Variants in MYL3 observed in about 807,000 individuals in gnomAD.
MYL3 encodes the protein myosin light chain 3, also known as CMLC1.
In MYL3, 11 loss-of-function variants were observed where a neutral mutation model predicts 21.3. The observed-to-expected ratio is 0.52, with a 90% CI of 0.32 to 0.85. The LOEUF is 0.85. Among genes scored for constraint, MYL3 ranks in the 40% least tolerant of loss-of-function variants. The pLI is 0.03. For missense variants in MYL3, 206 were observed against 253.3 expected (o/e 0.81, Z 1.27); for synonymous variants, 88 against 91.6 (o/e 0.96, Z 0.22).
upstream of MYL3, among the ~76,000 whole-genome samples, chr3:46,863,700 C>G (rs564497028): frequency 1.8e-4 from 28 of 152,286 alleles, no homozygotes; most frequent in Non-Finnish European, 3.8e-4. Flanking sequence ...CACATACACA[C>G]ATACACACAC....
intron 1 of MYL3, among the ~76,000 whole-genome samples, chr3:46,877,325 T>C (rs2030281627): frequency 6.6e-6 from 1 of 152,176 alleles, no homozygotes; most frequent in African/African-American, 2.4e-5. Context: ...CTGATTTCTC[T>C]GGGTGCCTTA....
intron 1 of MYL3, chr3:46,877,946 G>C (rs2106934462): frequency 6.6e-6 from 1 of 152,386 alleles, no homozygotes; most frequent in East Asian, 1.9e-4. Context: ...CCGTGCTATG[G>C]GGCAGACAAG....
Position 46,861,102 on chromosome 3 carries a change from G to C in MYL3, c.130-115C>G, listed in dbSNP as rs1701988317. ...AACTGTCTCAGCCTGTCCCATTCCAGCATCCCAGCCTGCACCCCCAGGACC... is the reference window on the plus strand; with the variant it reads ...AACTGTCTCAGCCTGTCCCATTCCACCATCCCAGCCTGCACCCCCAGGACC... On this transcript the variant is annotated intron_variant, in intron 1 of 6. Coordinates refer to ENST00000292327, the MANE Select transcript of MYL3 (RefSeq NM_000258.3). This position sits in a 1 kb window ranked among gnomAD's most constrained non-coding sequence, Gnocchi z 4.2. 3 of 1,271,116 alleles carry C rather than the reference G, an allele frequency of 2.4e-6. No individual in the cohort carries two copies. Among genetic ancestry groups the C allele is most frequent in the Admixed American group, 1.8e-5 (1 of 54,812 alleles). 78.7% of individuals were successfully genotyped at this position (1,271,116 alleles called of 1,614,324 possible).
intron 1 of MYL3, among the ~76,000 whole-genome samples, chr3:46,872,047 T>G (rs1410547438): frequency 6.6e-6 from 1 of 152,180 alleles, no homozygotes; most frequent in East Asian, 1.9e-4. Context: ...TGTTCACACC[T>G]GCACAGTGGG....
At position 46,859,759 on chromosome 3, in the gene MYL3, T is replaced by C. The variant is rs1196402861; in HGVS notation, c.308-111A>G. ...CACCTCTCACACAGTTCTACAACAGTCTACACCAGTTCTCACAGCAGTCTA... is the reference window on the plus strand; with the variant it reads ...CACCTCTCACACAGTTCTACAACAGCCTACACCAGTTCTCACAGCAGTCTA... On this transcript the variant is annotated intron_variant, in intron 3 of 6. Coordinates refer to ENST00000292327, the MANE Select transcript of MYL3 (RefSeq NM_000258.3). This position sits in a 1 kb window ranked among gnomAD's most constrained non-coding sequence, Gnocchi z 4.1. 5.5e-6 allele frequency: 7 copies of C among 1,270,758 alleles called. No individual in the cohort carries two copies. Among genetic ancestry groups the C allele is most frequent in the Non-Finnish European group, 8.0e-6 (7 of 874,260 alleles). 78.7% of individuals were successfully genotyped at this position (1,270,758 alleles called of 1,614,324 possible).
Position 46,860,664 on chromosome 3 carries a change from CA to C in MYL3, c.307+11del. 5 of 1,612,974 alleles carry C rather than the reference CA, an allele frequency of 3.1e-6. No homozygotes were observed. The highest frequency in any genetic ancestry group is 4.2e-6 in the Non-Finnish European group (5 of 1,180,026). On this transcript the variant is annotated intron_variant, in intron 3 of 6. Coordinates refer to ENST00000292327, the MANE Select transcript of MYL3 (RefSeq NM_000258.3). This position sits in a 1 kb window ranked among gnomAD's most constrained non-coding sequence, Gnocchi z 4.6. ...TACTAACACTATGGGGGCTCTCGGG[CA>C]GGTGCACTACCTTCCTGTCTTGGCT...
intron 1 of MYL3, among the ~76,000 whole-genome samples, chr3:46,875,411 G>A (rs1353186610): frequency 6.6e-6 from 1 of 152,156 alleles, no homozygotes; most frequent in African/African-American, 2.4e-5. Flanking sequence ...ACAACCCAAG[G>A]CCAGGTATGC....
intron 1 of MYL3, among the ~76,000 whole-genome samples, chr3:46,868,546 C>T (rs1217027821): frequency 6.6e-6 from 1 of 152,222 alleles, no homozygotes; most frequent in Admixed American, 6.5e-5. Flanking sequence ...TCAGCTCCTG[C>T]CCCTCTGATC....
At chr3:46,869,693 T>A (rs1367989394) in intron 1 of MYL3, among the ~76,000 whole-genome samples, 2 of 152,232 alleles carry the variant, frequency 1.3e-5, no homozygotes, top group African/African-American at 4.8e-5. Flanking sequence ...CGTGAGCATG[T>A]CTGCGTGCTC....
At chr3:46,876,932 C>T (rs1318636921) in intron 1 of MYL3, among the ~76,000 whole-genome samples, 1 of 152,198 alleles carries the variant, frequency 6.6e-6, no homozygotes, top group African/African-American at 2.4e-5. Flanking sequence ...TGTCTGCCCA[C>T]ATCTTCATCC....
At position 46,860,873 on chromosome 3, in the gene MYL3, C is replaced by T. The variant is rs1701985544; in HGVS notation, c.158-48G>A. 1.2e-6 allele frequency: 2 copies of T among 1,614,090 alleles called. No individual in the cohort carries two copies. Among genetic ancestry groups the T allele is most frequent in the Non-Finnish European group, 1.7e-6 (2 of 1,179,992 alleles). ...CACAGACACTCCCAGGGTCAGCCTA[C>T]CCCACTCCCCACACCCCTGGCAGGA... On this transcript the variant is annotated intron_variant, in intron 2 of 6. Coordinates refer to ENST00000292327, the MANE Select transcript of MYL3 (RefSeq NM_000258.3). This position sits in a 1 kb window ranked among gnomAD's most constrained non-coding sequence, Gnocchi z 4.6.
At chr3:46,873,199 G>A (rs949137808) in intron 1 of MYL3, among the ~76,000 whole-genome samples, 27 of 152,240 alleles carry the variant, frequency 1.8e-4, no homozygotes, top group Non-Finnish European at 3.7e-4. Context: ...GGCCTTTGGA[G>A]GGCATACAAG....
chr3:46,863,231 C>T lies in MYL3; in HGVS notation c.129+31G>A, dbSNP rs200593615. The T allele has an allele frequency of 2.5e-6, 4 of 1,613,574 alleles. No individual in the cohort carries two copies. The Admixed American group carries it at 5.0e-5, about 20-fold the overall frequency. ...CTGGGATCCACTCACTTGCCCTGCT[C>T]CTATTGCCACCACCCAGCTTCCATA... is the stretch of plus-strand genomic sequence containing the variant. On this transcript the variant is annotated intron_variant, in intron 1 of 6. Coordinates refer to ENST00000292327, the MANE Select transcript of MYL3 (RefSeq NM_000258.3).
Position 46,859,627 on chromosome 3 carries a change from T to C in MYL3, c.329A>G (p.Asp110Gly). The change falls in exon 4 of 7, where the codon GAC becomes GGC. Residue 110 changes from aspartate (D) to glycine (G), a missense_variant. By Grantham distance (94) the Asp-to-Gly change is moderately conservative. Transcript: ENST00000292327. This position sits in a 1 kb window ranked among gnomAD's most constrained non-coding sequence, Gnocchi z 4.1. ...GAGCATAGGCAGGAAAGTTTCAAAG[T>C]CCATCATCTTGGTATTGAGCTCTGC... The part of the protein sequence containing the change: ...RQEELNTKMM[D>G]FETFLPMLQH... 1 of 1,614,152 alleles carries C rather than the reference T, an allele frequency of 6.2e-7. No individual in the cohort carries two copies. Among genetic ancestry groups the C allele is most frequent in the Non-Finnish European group, 8.5e-7 (1 of 1,180,024 alleles).
intron 1 of MYL3, among the ~76,000 whole-genome samples, chr3:46,869,555 G>C (rs1421958376): frequency 6.6e-6 from 1 of 152,262 alleles, no homozygotes; most frequent in Non-Finnish European, 1.5e-5. Context: ...GACTGGACGG[G>C]TGTGGATAGT....
Position 46,859,774 on chromosome 3 carries a change from A to C in MYL3, c.308-126T>G. ...TCTACAACAGTCTACACCAGTTCTC[A>C]CAGCAGTCTACACCAGTTTGCCATT... On this transcript the variant is annotated intron_variant, in intron 3 of 6. Coordinates refer to ENST00000292327, the MANE Select transcript of MYL3 (RefSeq NM_000258.3). The surrounding 1 kb of genome is among the most constrained non-coding windows in gnomAD (Gnocchi z 4.1). 1 of 1,112,552 alleles carries C rather than the reference A, an allele frequency of 9.0e-7. No individual in the cohort carries two copies. The highest frequency in any genetic ancestry group is 1.4e-6 in the Non-Finnish European group (1 of 735,094). The allele number at this position is 1,112,552 out of a possible 1,614,324, so 68.9% of individuals were successfully genotyped here. A position where few individuals can be genotyped will look rare whatever the true frequency, so the allele number is the denominator to read the frequency against.
chr3:46,857,873 G>A lies in MYL3; in HGVS notation c.*242C>T. 1 of 337,132 alleles carries A rather than the reference G, an allele frequency of 3.0e-6. No homozygotes were observed. The highest frequency in any genetic ancestry group is 4.2e-5 in the South Asian group (1 of 23,996). The allele number at this position is 337,132 out of a possible 1,614,324, so 20.9% of individuals were successfully genotyped here. ...GGAGGAAGGGAAATAAGTCAGAAAG[G>A]AAGGCCGGCAAGAAGCCATTTATTC... On this transcript the variant is annotated 3_prime_UTR_variant, in exon 7 of 7. Transcript: ENST00000292327. The surrounding 1 kb of genome is among the most constrained non-coding windows in gnomAD (Gnocchi z 5.0).
chr3:46,863,623 CATT>C, upstream of MYL3: 1 of 537,464 alleles, frequency 1.9e-6, no homozygotes, highest in South Asian at 2.1e-5. Flanking sequence ...GAGGGATCTC[CATT>C]CCTCCCAATC....
upstream of MYL3, among the ~76,000 whole-genome samples, chr3:46,867,084 C>T (rs1400928511): frequency 6.6e-6 from 1 of 152,098 alleles, no homozygotes; most frequent in African/African-American, 2.4e-5. Context: ...ACCCAGAACC[C>T]AGATTCCAGG....
Sources: allele counts gnomAD v4.1 joint callset (sites outside exome capture counted in the v4.1 genomes callset), GRCh38; gene constraint gnomAD v4.1.1; non-coding constraint Gnocchi (gnomAD v3.1); transcripts MANE v1.5; gene names NCBI Gene and HGNC (gene_info 2026-07-23, HGNC 2026-07-21).